Variants in ASPH observed in about 807,000 individuals in gnomAD.
ASPH encodes the protein aspartyl/asparaginyl beta-hydroxylase.
A neutral mutation model predicts 118.4 loss-of-function variants in ASPH; 100 were observed. The observed-to-expected ratio is 0.84, with a 90% confidence interval of 0.72 to 1.00. The LOEUF is 1.00. Ranked by LOEUF, ASPH falls within the 50% of genes least tolerant of loss-of-function variation. The probability of loss-of-function intolerance (pLI) is 0.00; values close to 1 mark genes in which losing one functional copy is unlikely to be tolerated. For missense variants in ASPH, 920 were observed against 919.5 expected, an observed-to-expected ratio of 1.00 and a Z score of -0.01; for synonymous variants, 315 against 325.6, an observed-to-expected ratio of 0.97 and a Z score of 0.35.
At chr8:61,688,865 C>T (rs532544147) in intron 1 of ASPH, among the ~76,000 whole-genome samples, 22 of 152,288 alleles carry the variant, frequency 1.4e-4, no homozygotes, top group Admixed American at 4.6e-4. Flanking sequence ...ACATGAAGCA[C>T]TTTATCAGAC....
intron 14 of ASPH, among the ~76,000 whole-genome samples, chr8:61,607,501 C>T (rs538373084): frequency 2.6e-5 from 4 of 152,000 alleles, no homozygotes; most frequent in Admixed American, 1.3e-4. Context: ...ACATAAAGTG[C>T]TATATATTCA....
chr8:61,525,939 T>G (rs1815170223), intron 22 of ASPH, 38 bp downstream of exon 22: 1 of 1,611,982 alleles, frequency 6.2e-7, no homozygotes, highest in Non-Finnish European at 8.5e-7. Context: ...CCCATCAGGT[T>G]TGGGCTGCAG....
chr8:61,704,121 G>A (rs13255699), intron 1 of ASPH, among the ~76,000 whole-genome samples: 70,111 of 144,706 alleles, frequency 0.48, 17,208 homozygotes, highest in East Asian at 0.55. Flanking sequence ...CGTGAACCCG[G>A]GAGGCGGAGC....
Position 61,608,966 on chromosome 8 carries a change from TA to T in ASPH, c.976+10011del, listed in dbSNP as rs1846436908. Reference sequence around the variant, plus strand: ...AAATGCTACAGTATACAGTGGTGCCTAAGGAGAACCTAGTTTTGTTTGGGTG... The same window carrying T: ...AAATGCTACAGTATACAGTGGTGCCTAGGAGAACCTAGTTTTGTTTGGGTG... On this transcript the variant is annotated intron_variant, in intron 14 of 24. Transcript: ENST00000379454. Among the ~76,000 whole-genome samples the T allele has an allele frequency of 1.3e-5, 2 of 152,278 alleles. 1 individual carries two copies. The highest frequency in any genetic ancestry group is 4.1e-4 in the South Asian group (2 of 4,826).
intron 3 of ASPH, chr8:61,675,412 G>A: frequency 2.0e-6 from 2 of 983,896 alleles, no homozygotes; most frequent in Non-Finnish European, 2.4e-6. Flanking sequence ...TTCACAGACA[G>A]AAATATGTCA....
At chr8:61,677,478 G>C (rs868050322) in intron 3 of ASPH, among the ~76,000 whole-genome samples, 2 of 151,830 alleles carry the variant, frequency 1.3e-5, no homozygotes, top group Admixed American at 1.3e-4. Context: ...TCTCCATGTA[G>C]TATAACTACC....
chr8:61,509,591 T>G (rs774870369), intron 24 of ASPH, among the ~76,000 whole-genome samples: 2 of 152,140 alleles, frequency 1.3e-5, no homozygotes, highest in Admixed American at 6.5e-5. Context: ...TGACCTCCTA[T>G]CTCATCCTGT....
In ASPH at chr8:61,646,825, C is replaced by G; in HGVS notation, c.544G>C (p.Glu182Gln). 6.2e-7 allele frequency: 1 copy of G among 1,614,026 alleles called. No individual in the cohort carries two copies. Among genetic ancestry groups the G allele is most frequent in the Non-Finnish European group, 8.5e-7 (1 of 1,179,928 alleles). Residue 182 changes from glutamate (E) to glutamine (Q), a missense_variant, in exon 6 of 25, where the codon GAG (glutamate) becomes CAG (glutamine). Coordinates refer to ENST00000379454, the MANE Select transcript of ASPH (RefSeq NM_004318.4). ...GTCGCCATAAGAAACTCATCATCCT[C>G]TTGTTGTGGTTCTCCTGTGGGTCCA... ...EDGPTGEPQQ[E>Q]DDEFLMATDV...
At chr8:61,638,609 T>C (rs1309274283) in intron 10 of ASPH, among the ~76,000 whole-genome samples, 3 of 152,146 alleles carry the variant, frequency 2.0e-5, no homozygotes, top group Admixed American at 6.5e-5. Context: ...TTTTTAAAAT[T>C]TTCTTCATGT....
chr8:61,703,721 C>T (rs1315582025), intron 1 of ASPH, among the ~76,000 whole-genome samples: 2 of 152,112 alleles, frequency 1.3e-5, no homozygotes, highest in African/African-American at 4.8e-5. Context: ...TCAATGCAAT[C>T]CTAATCATAA....
intron 15 of ASPH, among the ~76,000 whole-genome samples, chr8:61,580,151 TG>T (rs1328242159): frequency 6.6e-6 from 1 of 152,170 alleles, no homozygotes. Context: ...TTTCATGGGC[TG>T]GTCTTAGGTA....
At position 61,578,516 on chromosome 8, in the gene ASPH, C is replaced by A. The variant is rs1014167070; in HGVS notation, c.1063-1658G>T. Reference sequence around the variant, plus strand: ...AGAAGGAGCAGATCAAGACCCTCAACAACAAGTTTGCCTCCTTCACAGACA... The same window carrying A: ...AGAAGGAGCAGATCAAGACCCTCAAAAACAAGTTTGCCTCCTTCACAGACA... On this transcript the variant is annotated intron_variant, in intron 15 of 24. Coordinates refer to ENST00000379454, the MANE Select transcript of ASPH (RefSeq NM_004318.4). 8 of 1,586,180 alleles carry A rather than the reference C, an allele frequency of 5.0e-6. No individual in the cohort carries two copies. In the Admixed American group the frequency reaches 1.2e-4, roughly 23 times the overall value.
chr8:61,680,883 C>G lies in ASPH; in HGVS notation c.322+85G>C. The G allele has an allele frequency of 2.6e-6, 3 of 1,170,906 alleles. 1 individual carries two copies. Among genetic ancestry groups the G allele is most frequent in the Middle Eastern group, 4.1e-4 (2 of 4,824 alleles). 72.5% of individuals were successfully genotyped at this position (1,170,906 alleles called of 1,614,324 possible). ...AGAAAAGTCTCCTGTAAGATATATA[C>G]TATTGAGATAGATATTATTAAAGCA... On this transcript the variant is annotated intron_variant, in intron 3 of 24. Transcript: ENST00000379454.
chr8:61,612,719 C>T (rs1847838946), intron 14 of ASPH, among the ~76,000 whole-genome samples: 1 of 152,026 alleles, frequency 6.6e-6, no homozygotes, highest in Non-Finnish European at 1.5e-5. Flanking sequence ...TTCAAGCAAT[C>T]CAATATACAT....
At chr8:61,626,170 T>C (rs1852710437) in intron 13 of ASPH, 2 of 1,298,356 alleles carry the variant, frequency 1.5e-6, no homozygotes, top group Non-Finnish European at 2.0e-6. Flanking sequence ...CCAAAGATCT[T>C]GATCTGCTCA....
intron 21 of ASPH, among the ~76,000 whole-genome samples, chr8:61,526,467 C>A (rs913355337): frequency 5.3e-5 from 8 of 152,268 alleles, no homozygotes; most frequent in South Asian, 4.1e-4. Context: ...TAATAACTTC[C>A]ATGTGACACT....
Position 61,521,404 on chromosome 8 carries a change from C to A in ASPH, c.1901-3281G>T, listed in dbSNP as rs533593724. ...GTGCTCACTGATCCTAGTAACAACC[C>A]CATACTTGAGGCACTATTTGCCATT... On this transcript the variant is annotated intron_variant, in intron 22 of 24. Transcript: ENST00000379454. Among the ~76,000 whole-genome samples, 10 of 152,218 alleles carry A rather than the reference C, an allele frequency of 6.6e-5. No homozygotes were observed. The South Asian group carries it at 2.1e-3, about 32-fold the overall frequency.
chr8:61,707,853 T>TAC (rs1332205731), intron 1 of ASPH, among the ~76,000 whole-genome samples: 2 of 152,198 alleles, frequency 1.3e-5, no homozygotes, highest in African/African-American at 4.8e-5. Flanking sequence ...ACAGTATATA[T>TAC]ACATATATGT....
intron 14 of ASPH, among the ~76,000 whole-genome samples, chr8:61,599,309 G>A (rs867082294): frequency 5.9e-5 from 9 of 151,990 alleles, no homozygotes; most frequent in East Asian, 1.9e-4. Context: ...ATCACACACC[G>A]GGGCCTGTTG....
Sources: allele counts gnomAD v4.1 joint callset (sites outside exome capture counted in the v4.1 genomes callset), GRCh38; gene constraint gnomAD v4.1.1; transcripts MANE v1.5; gene names NCBI Gene and HGNC (gene_info 2026-07-23, HGNC 2026-07-21).